The following AKAP6 variants were observed in gnomAD, a reference collection of about 807,000 sequenced individuals.
AKAP6 encodes the protein A-kinase anchor protein 6.
AKAP6 carries 58 observed loss-of-function variants against 188.5 expected under a neutral mutation model. That is an observed-to-expected ratio of 0.31 (90% confidence interval 0.25 to 0.38). AKAP6 has a LOEUF of 0.38. Ranked by LOEUF, AKAP6 falls within the 10% of genes least tolerant of loss-of-function variation. AKAP6 has a pLI of 1.00. For synonymous variants in AKAP6, 989 were observed against 998.6 expected (o/e 0.99, Z 0.18); for missense variants, 2,710 against 2,740.0 (o/e 0.99, Z 0.24).
chr14:32,637,445 GA>G (rs1185848932), intron 7 of AKAP6, among the ~76,000 whole-genome samples: 1 of 152,218 alleles, frequency 6.6e-6, no homozygotes, highest in East Asian at 1.9e-4. Flanking sequence ...ATTTAACTGT[GA>G]AGGGAAGGAG....
At chr14:32,443,824 T>C (rs940214671) in intron 2 of AKAP6, among the ~76,000 whole-genome samples, 1 of 152,172 alleles carries the variant, frequency 6.6e-6, no homozygotes, top group Admixed American at 6.5e-5. Context: ...ATGCTGCCCA[T>C]CTATGGTTTT....
chr14:32,564,775 C>T (rs1425765037), intron 4 of AKAP6, among the ~76,000 whole-genome samples: 1 of 152,212 alleles, frequency 6.6e-6, no homozygotes, highest in Non-Finnish European at 1.5e-5. Context: ...CCTGTTAGAA[C>T]ATCCTGTCTC....
intron 1 of AKAP6, among the ~76,000 whole-genome samples, chr14:32,407,940 C>A (rs184168878): frequency 6.6e-6 from 1 of 152,298 alleles, no homozygotes; most frequent in African/African-American, 2.4e-5. Flanking sequence ...CAAAGAGTTT[C>A]CTTGCTGAAC....
chr14:32,477,350 T>C (rs370337636), intron 2 of AKAP6, among the ~76,000 whole-genome samples: 43 of 152,294 alleles, frequency 2.8e-4, no homozygotes, highest in African/African-American at 8.9e-4. Flanking sequence ...GGAATTTCCA[T>C]TGAAGGAGCT....
chr14:32,524,245 G>A (rs1445220009), intron 2 of AKAP6, among the ~76,000 whole-genome samples: 3 of 152,098 alleles, frequency 2.0e-5, no homozygotes, highest in South Asian at 2.1e-4. Flanking sequence ...ACTCTTGTGC[G>A]GGAATGATTG....
intron 2 of AKAP6, among the ~76,000 whole-genome samples, chr14:32,520,023 G>T (rs142671886): frequency 0.018 from 2,674 of 152,236 alleles, 63 homozygotes; most frequent in African/African-American, 0.046. Context: ...AATCAAATTA[G>T]AGCTCAGGAT....
chr14:32,386,683 G>A (rs527562634), intron 1 of AKAP6, among the ~76,000 whole-genome samples: 63 of 152,230 alleles, frequency 4.1e-4, no homozygotes, highest in African/African-American at 1.5e-3. Flanking sequence ...CCTTGCCTAA[G>A]CCAATGTCTA....
chr14:32,667,023 GCAGT>G (rs1888973650), intron 7 of AKAP6, among the ~76,000 whole-genome samples: 5 of 151,896 alleles, frequency 3.3e-5, no homozygotes. Context: ...TGCTATATAA[GCAGT>G]CAGTTGATAT....
intron 1 of AKAP6, among the ~76,000 whole-genome samples, chr14:32,345,807 T>C (rs1887047066): frequency 6.6e-6 from 1 of 152,156 alleles, no homozygotes; most frequent in South Asian, 2.1e-4. Context: ...TGTATGTCAT[T>C]TGAGCACAAG....
intron 12 of AKAP6, among the ~76,000 whole-genome samples, chr14:32,787,875 G>A (rs964598311): frequency 6.6e-6 from 1 of 151,246 alleles, no homozygotes. Context: ...AGATCTATAT[G>A]CCCTCCCTCC....
chr14:32,601,446 A>G (rs1202812003), intron 7 of AKAP6, among the ~76,000 whole-genome samples: 1 of 152,224 alleles, frequency 6.6e-6, no homozygotes, highest in African/African-American at 2.4e-5. Flanking sequence ...CATAAAACAT[A>G]TGCAATTGAA....
At position 32,745,461 on chromosome 14, in the gene AKAP6, T is replaced by TTCTCTC. The variant is rs71115094; in HGVS notation, c.3372+9609_3372+9614dup. The stretch of plus-strand genomic sequence containing the variant: ...TTTCTGCCAAACAAATATTTATTCA[T>TTCTCTC]TCTCTCTCTCTCTCTCTCTCTCTCT... On this transcript the variant is annotated intron_variant, in intron 11 of 13. Coordinates refer to ENST00000280979, the MANE Select transcript of AKAP6 (RefSeq NM_004274.5). Among the ~76,000 whole-genome samples, 18 of 141,438 alleles carry TTCTCTC rather than the reference T, an allele frequency of 1.3e-4. 1 individual carries two copies. Among genetic ancestry groups the TTCTCTC allele is most frequent in the African/African-American group, 3.9e-4 (15 of 38,274 alleles). 92.8% of individuals were successfully genotyped at this position (141,438 alleles called of 152,430 possible). A position where few individuals can be genotyped will look rare whatever the true frequency, so the allele number is the denominator to read the frequency against.
chr14:32,691,691 T>A (rs1890184738), intron 8 of AKAP6, among the ~76,000 whole-genome samples: 1 of 152,086 alleles, frequency 6.6e-6, no homozygotes, highest in African/African-American at 2.4e-5. Context: ...CCCAAGTAGC[T>A]GGGTCTACAA....
At chr14:32,603,842 A>G (rs756720574) in intron 7 of AKAP6, among the ~76,000 whole-genome samples, 4 of 152,180 alleles carry the variant, frequency 2.6e-5, no homozygotes, top group Non-Finnish European at 4.4e-5. Context: ...GAGGATACCT[A>G]TGATATACAA....
intron 7 of AKAP6, among the ~76,000 whole-genome samples, chr14:32,614,008 G>C (rs142101141): frequency 1.3e-5 from 2 of 152,216 alleles, no homozygotes; most frequent in African/African-American, 4.8e-5. Flanking sequence ...TCATTTCCTA[G>C]TGAGAACTTT....
At chr14:32,728,650 T>A (rs1040101289) in intron 9 of AKAP6, among the ~76,000 whole-genome samples, 1 of 152,170 alleles carries the variant, frequency 6.6e-6, no homozygotes, top group Non-Finnish European at 1.5e-5. Flanking sequence ...TCAAGAAATG[T>A]CTTTAGTTTA....
At chr14:32,659,535 A>G (rs1037354367) in intron 7 of AKAP6, among the ~76,000 whole-genome samples, 1 of 152,086 alleles carries the variant, frequency 6.6e-6, no homozygotes, top group South Asian at 2.1e-4. Flanking sequence ...ATAATTAATT[A>G]AAAATATAGA....
intron 1 of AKAP6, among the ~76,000 whole-genome samples, chr14:32,339,720 C>G (rs557294293): frequency 1.2e-4 from 18 of 152,210 alleles, no homozygotes; most frequent in African/African-American, 4.3e-4. Context: ...ACAGTCAGCC[C>G]TTCTCTGTTG....
At chr14:32,456,757 C>T (rs1473452096) in intron 2 of AKAP6, among the ~76,000 whole-genome samples, 2 of 151,920 alleles carry the variant, frequency 1.3e-5, no homozygotes, top group African/African-American at 4.8e-5. Flanking sequence ...CCAAGGACCC[C>T]AAATATAACT....
Sources: gnomAD v4.1 joint callset for allele counts (sites outside exome capture counted in the v4.1 genomes callset) on GRCh38, gnomAD v4.1.1 for gene constraint, MANE v1.5 for transcripts, NCBI Gene and HGNC (gene_info 2026-07-23, HGNC 2026-07-21) for gene names.